Variants in HIVEP3 observed in about 807,000 individuals in gnomAD.
The protein encoded by HIVEP3 is transcription factor HIVEP3.
In HIVEP3, 49 loss-of-function variants were observed where a neutral mutation model predicts 152.8. The ratio of observed to expected loss-of-function variants is 0.32; its 90% CI spans 0.26 to 0.41. HIVEP3 has a LOEUF of 0.41. Ranked by LOEUF, HIVEP3 falls within the 10% of genes least tolerant of loss-of-function variation. The pLI is 1.00. For missense variants in HIVEP3, 2,790 were observed against 3,103.3 expected (o/e 0.90, Z 2.40); for synonymous variants, 1,269 against 1,289.0 (o/e 0.98, Z 0.33).
At chr1:41,722,860 A>G (rs1646697954) in intron 1 of HIVEP3, among the ~76,000 whole-genome samples, 1 of 152,148 alleles carries the variant, frequency 6.6e-6, no homozygotes, top group Non-Finnish European at 1.5e-5. Flanking sequence ...ATGCATGTGC[A>G]TATGTGTATG....
Position 41,510,406 on chromosome 1 carries a change from G to T in HIVEP3, c.*45C>A. 7.1e-7 allele frequency: 1 copy of T among 1,412,240 alleles called. No individual in the cohort carries two copies. Among genetic ancestry groups the T allele is most frequent in the Non-Finnish European group, 9.3e-7 (1 of 1,076,742 alleles). The allele number at this position is 1,412,240 out of a possible 1,614,324, so 87.5% of individuals were successfully genotyped here. On this transcript the variant is annotated 3_prime_UTR_variant, in exon 9 of 9. Coordinates refer to ENST00000372583, the MANE Select transcript of HIVEP3 (RefSeq NM_024503.5). ...TCGAGGAAAGTGGCTGGAAACGTCT[G>T]TTGCTGGACACTGGAAGCCAGATGC...
intron 1 of HIVEP3, among the ~76,000 whole-genome samples, chr1:41,874,746 T>C (rs1644139664): frequency 6.6e-6 from 1 of 152,206 alleles, no homozygotes; most frequent in Non-Finnish European, 1.5e-5. Flanking sequence ...TGGCTGATTT[T>C]ACAGACAATA....
chr1:41,533,962 C>G lies in HIVEP3; in HGVS notation c.5208-9052G>C, dbSNP rs995522758. On this transcript the variant is annotated intron_variant, in intron 5 of 8. Coordinates refer to ENST00000372583, the MANE Select transcript of HIVEP3 (RefSeq NM_024503.5). This position sits in a 1 kb window ranked among gnomAD's most constrained non-coding sequence, Gnocchi z 4.3. ...CCCCGTTCTCTCTCAGCAAGCAGCA[C>G]CTGCACTCGTGTGGCTGGCCAGCCC... 8.5e-5 allele frequency among the ~76,000 whole-genome samples: 13 copies of G among 152,132 alleles called. No individual in the cohort carries two copies. The highest frequency in any genetic ancestry group is 3.1e-4 in the African/African-American group (13 of 41,430).
At chr1:41,851,893 T>C (rs1324757277) in intron 1 of HIVEP3, among the ~76,000 whole-genome samples, 1 of 152,160 alleles carries the variant, frequency 6.6e-6, no homozygotes, top group African/African-American at 2.4e-5. Context: ...TGTACTGGAA[T>C]GAGATGTTTT....
intron 1 of HIVEP3, among the ~76,000 whole-genome samples, chr1:41,981,993 C>T (rs577417849): frequency 3.9e-5 from 6 of 152,252 alleles, no homozygotes; most frequent in South Asian, 2.1e-4. Context: ...TAAAGAAATG[C>T]TTACTTCTTG....
chr1:41,945,254 A>AG (rs1645068710), intron 1 of HIVEP3, among the ~76,000 whole-genome samples: 1 of 152,222 alleles, frequency 6.6e-6, no homozygotes, highest in South Asian at 2.1e-4. Context: ...AGATAGACAA[A>AG]GGGGTAAACA....
chr1:41,858,168 G>A (rs997756979), intron 1 of HIVEP3, among the ~76,000 whole-genome samples: 2 of 152,144 alleles, frequency 1.3e-5, no homozygotes, highest in Non-Finnish European at 2.9e-5. Flanking sequence ...ATGCTCCACG[G>A]AAGGTTAGGT....
intron 3 of HIVEP3, among the ~76,000 whole-genome samples, chr1:41,591,679 C>T (rs1644590227): frequency 6.6e-6 from 1 of 151,898 alleles, no homozygotes; most frequent in Non-Finnish European, 1.5e-5. Flanking sequence ...ACTTCTTGGT[C>T]ACTGGATTTT....
chr1:42,007,352 T>C (rs1238118054), intron 1 of HIVEP3, among the ~76,000 whole-genome samples: 3 of 152,232 alleles, frequency 2.0e-5, no homozygotes, highest in Non-Finnish European at 4.4e-5. Flanking sequence ...TAAGACATTT[T>C]TGTTCGGTTG....
chr1:41,727,988 C>A (rs533203688), intron 1 of HIVEP3, among the ~76,000 whole-genome samples: 2 of 152,172 alleles, frequency 1.3e-5, no homozygotes, highest in Non-Finnish European at 2.9e-5. Context: ...GCAGGGTGCA[C>A]CTTCAGGATA....
At chr1:41,684,075 C>G (rs1367663774) in intron 2 of HIVEP3, among the ~76,000 whole-genome samples, 1 of 152,226 alleles carries the variant, frequency 6.6e-6, no homozygotes, top group Non-Finnish European at 1.5e-5. Context: ...ATCAAGTCTG[C>G]TCTTTTGACA....
intron 5 of HIVEP3, among the ~76,000 whole-genome samples, chr1:41,529,858 C>A (rs1643189968): frequency 7.0e-6 from 1 of 143,450 alleles, no homozygotes; most frequent in Non-Finnish European, 1.5e-5. Context: ...CCCACAGTCA[C>A]ACTTACATCC....
At position 41,932,719 on chromosome 1, in the gene HIVEP3, ATT is replaced by A. The variant is rs1645001789; in HGVS notation, n.120-14197_120-14196del. 2.0e-5 allele frequency among the ~76,000 whole-genome samples: 3 copies of A among 150,996 alleles called. No homozygotes were observed. In the South Asian group the frequency reaches 6.3e-4, roughly 32 times the overall value. ...CTTCCTTCTGCTTGCACTAGTTTTAATTTGTTCTTCTTTATCTAGTTTTTTTC... is the reference window on the plus strand; with the variant it reads ...CTTCCTTCTGCTTGCACTAGTTTTAATGTTCTTCTTTATCTAGTTTTTTTC... On this transcript the variant is annotated intron_variant and non_coding_transcript_variant, in intron 1 of 3. Coordinates refer to the HIVEP3 transcript ENST00000489103.
chr1:41,554,998 C>A (rs147392399), intron 5 of HIVEP3, among the ~76,000 whole-genome samples: 4,643 of 152,300 alleles, frequency 0.03, 260 homozygotes, highest in African/African-American at 0.11. Context: ...GCTCAAACAC[C>A]ATGCTGGGAG....
chr1:41,629,720 T>A (rs1645166421), intron 2 of HIVEP3, among the ~76,000 whole-genome samples: 1 of 151,956 alleles, frequency 6.6e-6, no homozygotes, highest in Non-Finnish European at 1.5e-5. Flanking sequence ...AAAACCACAA[T>A]GAAATGCCAT....
intron 1 of HIVEP3, among the ~76,000 whole-genome samples, chr1:41,991,675 G>C (rs1449465524): frequency 6.6e-6 from 1 of 151,802 alleles, no homozygotes; most frequent in African/African-American, 2.4e-5. Context: ...TGATACCAAA[G>C]CCTGGCGGAG....
chr1:41,757,412 C>T (rs1647378077), intron 1 of HIVEP3, among the ~76,000 whole-genome samples: 1 of 151,906 alleles, frequency 6.6e-6, no homozygotes, highest in South Asian at 2.1e-4. Context: ...CCACCGTGCC[C>T]GGCCCAAAAA....
intron 1 of HIVEP3, among the ~76,000 whole-genome samples, chr1:41,760,170 T>C (rs1333725011): frequency 3.9e-5 from 6 of 152,140 alleles, no homozygotes; most frequent in Non-Finnish European, 8.8e-5. Context: ...CTGGGCAACA[T>C]AGTGAGGCCC....
intron 1 of HIVEP3, chr1:41,847,139 C>T (rs577425135): frequency 6.6e-6 from 1 of 152,250 alleles, no homozygotes; most frequent in East Asian, 1.9e-4. Context: ...TGCAAATTTT[C>T]TTTTGATTCT....
Sources: allele counts gnomAD v4.1 joint callset (sites outside exome capture counted in the v4.1 genomes callset), GRCh38; gene constraint gnomAD v4.1.1; non-coding constraint Gnocchi (gnomAD v3.1); transcripts MANE v1.5; gene names NCBI Gene and HGNC (gene_info 2026-07-23, HGNC 2026-07-21).